Variants in MON2 observed in about 807,000 individuals in gnomAD.
The protein encoded by MON2 is protein MON2 homolog.
MON2 carries 84 observed loss-of-function variants against 208.6 expected under a neutral mutation model. The observed-to-expected ratio is 0.40, with a 90% CI of 0.34 to 0.48. The LOEUF (loss-of-function observed/expected upper bound fraction) is 0.48, where lower values mean the gene tolerates loss of function less well. Ranked by LOEUF, MON2 falls within the 20% of genes least tolerant of loss-of-function variation. The pLI is 0.59. For synonymous variants in MON2, 660 were observed against 694.0 expected (o/e 0.95, Z 0.77); for missense variants, 1,611 against 2,015.4 (o/e 0.80, Z 3.84).
At chr12:62,539,841 A>G (rs545270028) in intron 19 of MON2, among the ~76,000 whole-genome samples, 95 of 151,630 alleles carry the variant, frequency 6.3e-4, no homozygotes, top group Admixed American at 1.1e-3. Flanking sequence ...ACATGGTGAA[A>G]CCCCGTCTCT....
At chr12:62,514,461 TG>T (rs1426868441) in intron 8 of MON2, among the ~76,000 whole-genome samples, 1 of 152,176 alleles carries the variant, frequency 6.6e-6, no homozygotes, top group Non-Finnish European at 1.5e-5. Flanking sequence ...CTCACAATCT[TG>T]GAGGAAGGTG....
At chr12:62,490,381 A>C (rs1270406629) in intron 2 of MON2, among the ~76,000 whole-genome samples, 1 of 152,098 alleles carries the variant, frequency 6.6e-6, no homozygotes, top group Non-Finnish European at 1.5e-5. Flanking sequence ...AAATGGTTAA[A>C]GTAAAATGTC....
chr12:62,545,618 C>T (rs1039021968), intron 21 of MON2: 7 of 152,002 alleles, frequency 4.6e-5, no homozygotes, highest in African/African-American at 1.7e-4. Flanking sequence ...GCATGTCATC[C>T]TTGCCCGGGG....
At chr12:62,509,671 A>G (rs2071292033) in intron 8 of MON2, among the ~76,000 whole-genome samples, 1 of 152,334 alleles carries the variant, frequency 6.6e-6, no homozygotes, top group South Asian at 2.1e-4. Flanking sequence ...AACAAATTTA[A>G]GAAGATTGTA....
In MON2 at chr12:62,571,494, G is replaced by A. The variant is rs1453940507; in HGVS notation, c.4426G>A (p.Val1476Ile). ...CAGAGTTCTTTCTATTGGGCTACCT[G>A]TTGCCCGGCAGCATGCTTCTTCTGG... ...LLRVLSIGLPVARQHASSGKF... is the reference protein window; with the variant it reads ...LLRVLSIGLPIARQHASSGKF... Residue 1476 changes from valine (V) to isoleucine (I), a missense_variant, in exon 30 of 35, where the codon GTT becomes ATT. Transcript: ENST00000393630. 6.2e-7 allele frequency: 1 copy of A among 1,614,002 alleles called. No individual in the cohort carries two copies.
chr12:62,590,364 A>T (rs1035614976), intron 34 of MON2, among the ~76,000 whole-genome samples: 3 of 152,150 alleles, frequency 2.0e-5, no homozygotes, highest in Non-Finnish European at 2.9e-5. Context: ...AAGTGCTGGG[A>T]TTGCAGGCAT....
At chr12:62,483,711 T>C (rs994862078) in intron 1 of MON2, among the ~76,000 whole-genome samples, 1 of 151,998 alleles carries the variant, frequency 6.6e-6, no homozygotes, top group African/African-American at 2.4e-5. Context: ...AGCAAAAAAC[T>C]CCATCAACAA....
At chr12:62,583,969 A>C (rs1160381186) in intron 32 of MON2, among the ~76,000 whole-genome samples, 6 of 148,640 alleles carry the variant, frequency 4.0e-5, no homozygotes, top group Admixed American at 1.3e-4. Context: ...TCAAAAAAAA[A>C]AAAAACAAAA....
intron 26 of MON2, among the ~76,000 whole-genome samples, chr12:62,562,302 C>CTT (rs879758162): frequency 1.1e-4 from 16 of 142,406 alleles, no homozygotes; most frequent in South Asian, 4.4e-4. Flanking sequence ...AAACAAGAAA[C>CTT]TTTTTTTTTT....
chr12:62,538,217 G>T, intron 17 of MON2, 35 bp from the exon 18 acceptor site: 1 of 1,609,692 alleles, frequency 6.2e-7, no homozygotes. Context: ...GCATCCCAAA[G>T]TGTCATATAT....
chr12:62,549,959 AC>A (rs1259342575), intron 23 of MON2, 129 bp downstream of exon 23: 4 of 525,168 alleles, frequency 7.6e-6, no homozygotes, highest in South Asian at 4.2e-5. Flanking sequence ...TTTCAAACTT[AC>A]GTCTGGGTGA....
intron 7 of MON2, among the ~76,000 whole-genome samples, chr12:62,504,028 C>T (rs2070974006): frequency 2.6e-5 from 4 of 151,512 alleles, no homozygotes; most frequent in Admixed American, 2.6e-4. Flanking sequence ...TCTCTCTTTC[C>T]CTACAAGAAG....
chr12:62,481,655 A>G (rs2069449330), intron 1 of MON2, among the ~76,000 whole-genome samples: 2 of 152,216 alleles, frequency 1.3e-5, no homozygotes, highest in South Asian at 4.1e-4. Context: ...TAATCAGAAA[A>G]CCAATAATCT....
intron 34 of MON2, among the ~76,000 whole-genome samples, chr12:62,592,048 A>T (rs2075413680): frequency 6.6e-6 from 1 of 152,192 alleles, no homozygotes; most frequent in South Asian, 2.1e-4. Flanking sequence ...CTCCCCACTC[A>T]AGTCTACATC....
chr12:62,504,659 T>C (rs2071014290), intron 7 of MON2, among the ~76,000 whole-genome samples: 1 of 150,746 alleles, frequency 6.6e-6, no homozygotes, highest in African/African-American at 2.5e-5. Flanking sequence ...TGTACAATTT[T>C]CTTCCAGAGA....
At chr12:62,529,587 A>C (rs1452716914) in intron 11 of MON2, among the ~76,000 whole-genome samples, 1 of 152,154 alleles carries the variant, frequency 6.6e-6, no homozygotes, top group Admixed American at 6.5e-5. Context: ...CATGAAATTC[A>C]CCCATTTACA....
At chr12:62,478,737 CA>C (rs986269667) in intron 1 of MON2, among the ~76,000 whole-genome samples, 1 of 152,144 alleles carries the variant, frequency 6.6e-6, no homozygotes, top group African/African-American at 2.4e-5. Context: ...TTTTGAGAAA[CA>C]CTGGTAGGAG....
intron 27 of MON2, 102 bp from the exon 28 acceptor site, chr12:62,565,912 A>G: frequency 9.0e-7 from 1 of 1,113,562 alleles, no homozygotes; most frequent in Non-Finnish European, 1.3e-6. Context: ...GATTTTGTTC[A>G]CTCAACATAA....
intron 32 of MON2, among the ~76,000 whole-genome samples, chr12:62,582,404 A>G (rs1473415974): frequency 6.6e-6 from 1 of 152,210 alleles, no homozygotes; most frequent in Non-Finnish European, 1.5e-5. Context: ...AGAGTCCTTC[A>G]CCACCACAAC....
Sources: gnomAD v4.1 joint callset for allele counts (sites outside exome capture counted in the v4.1 genomes callset) on GRCh38, gnomAD v4.1.1 for gene constraint, MANE v1.5 for transcripts, NCBI Gene and HGNC (gene_info 2026-07-23, HGNC 2026-07-21) for gene names.